The following PDE4B variants were observed in gnomAD, a reference collection of about 807,000 sequenced individuals.
The protein encoded by PDE4B is phosphodiesterase 4B.
PDE4B carries 20 observed loss-of-function variants against 82.2 expected under a neutral mutation model. The observed-to-expected ratio is 0.24, with a 90% CI of 0.17 to 0.35. The LOEUF (loss-of-function observed/expected upper bound fraction) is 0.35. PDE4B is among the 10% of genes least tolerant of loss of function. The pLI is 1.00. For synonymous variants in PDE4B, 320 were observed against 318.9 expected, an observed-to-expected ratio of 1.00 and a Z score of -0.04; for missense variants, 655 against 907.2, an observed-to-expected ratio of 0.72 and a Z score of 3.57.
intron 3 of PDE4B, among the ~76,000 whole-genome samples, chr1:66,134,282 T>C (rs767315356): frequency 6.6e-6 from 1 of 152,210 alleles, no homozygotes; most frequent in Non-Finnish European, 1.5e-5. Context: ...AGCAATTATG[T>C]GGTCATTTAA....
At chr1:66,247,118 G>T (rs1017028384) in intron 3 of PDE4B, among the ~76,000 whole-genome samples, 4 of 152,134 alleles carry the variant, frequency 2.6e-5, no homozygotes, top group Non-Finnish European at 4.4e-5. Flanking sequence ...TTATCACCAA[G>T]TTGTTGTATG....
intron 8 of PDE4B, among the ~76,000 whole-genome samples, chr1:66,342,654 C>T (rs1482505412): frequency 6.6e-6 from 1 of 151,384 alleles, no homozygotes; most frequent in Non-Finnish European, 1.5e-5. Flanking sequence ...TCACTTGAAA[C>T]CAGGAGGTAG....
intron 7 of PDE4B, among the ~76,000 whole-genome samples, chr1:66,296,122 G>A (rs1657496466): frequency 6.6e-6 from 1 of 152,096 alleles, no homozygotes; most frequent in South Asian, 2.1e-4. Context: ...AGCATCCGGG[G>A]CTTATCTTTA....
At position 66,057,365 on chromosome 1, in the gene PDE4B, T is replaced by G. The variant is rs1212642557; in HGVS notation, c.281+138530T>G. On this transcript the variant is annotated intron_variant, in intron 3 of 16. Coordinates refer to ENST00000341517, the MANE Select transcript of PDE4B (RefSeq NM_002600.4). Reference sequence around the variant, plus strand: ...AGGAAATACTAAAAGAGTATTGTACTAAAAGAGTCCTTGGATAAGGGCCTC... The same window carrying G: ...AGGAAATACTAAAAGAGTATTGTACGAAAAGAGTCCTTGGATAAGGGCCTC... 2.0e-5 allele frequency among the ~76,000 whole-genome samples: 3 copies of G among 152,222 alleles called. No individual in the cohort carries two copies. The East Asian group carries it at 5.8e-4, about 29-fold the overall frequency.
chr1:65,994,286 G>A (rs1218289236), intron 3 of PDE4B, among the ~76,000 whole-genome samples: 1 of 152,112 alleles, frequency 6.6e-6, no homozygotes, highest in Non-Finnish European at 1.5e-5. Context: ...GAAATATATA[G>A]CTTGCCTTTG....
chr1:65,963,847 G>T (rs1569833717), intron 3 of PDE4B, among the ~76,000 whole-genome samples: 1 of 152,100 alleles, frequency 6.6e-6, no homozygotes, highest in East Asian at 1.9e-4. Flanking sequence ...AAACTAATTA[G>T]CTGAGCTTGG....
chr1:65,802,741 T>A (rs893335329), intron 1 of PDE4B, among the ~76,000 whole-genome samples: 1 of 152,156 alleles, frequency 6.6e-6, no homozygotes, highest in Non-Finnish European at 1.5e-5. Flanking sequence ...TTTAAAATGG[T>A]TATAAATTTT....
chr1:65,935,413 TG>T (rs1364273998), intron 3 of PDE4B, among the ~76,000 whole-genome samples: 1 of 151,308 alleles, frequency 6.6e-6, no homozygotes, highest in African/African-American at 2.4e-5. Flanking sequence ...TTACCATGAA[TG>T]GAATTAACAG....
chr1:65,994,357 T>C (rs1156759068), intron 3 of PDE4B, among the ~76,000 whole-genome samples: 1 of 152,178 alleles, frequency 6.6e-6, no homozygotes, highest in African/African-American at 2.4e-5. Flanking sequence ...TGCTTATTCT[T>C]GCTTTCTGAC....
chr1:66,048,330 T>C (rs1259468912), intron 3 of PDE4B, among the ~76,000 whole-genome samples: 1 of 151,942 alleles, frequency 6.6e-6, no homozygotes, highest in Admixed American at 6.6e-5. Flanking sequence ...TCAACTCCAC[T>C]GTCCTCCTAC....
At chr1:66,335,717 T>C (rs779775256) in intron 8 of PDE4B, among the ~76,000 whole-genome samples, 1 of 152,188 alleles carries the variant, frequency 6.6e-6, no homozygotes, top group Non-Finnish European at 1.5e-5. Context: ...TACTAGAAGA[T>C]GGAATAAGTT....
chr1:65,975,705 C>T (rs934325243), intron 3 of PDE4B, among the ~76,000 whole-genome samples: 2 of 152,174 alleles, frequency 1.3e-5, no homozygotes, highest in Non-Finnish European at 2.9e-5. Context: ...CCCAGACACT[C>T]CAGCTCCAGC....
At chr1:65,823,177 C>G (rs900833829) in intron 1 of PDE4B, among the ~76,000 whole-genome samples, 1 of 151,940 alleles carries the variant, frequency 6.6e-6, no homozygotes. Context: ...GCGGATGGAT[C>G]GCAAGGTCAG....
chr1:66,272,533 C>CT, intron 7 of PDE4B, among the ~76,000 whole-genome samples: 6 of 152,262 alleles, frequency 3.9e-5, no homozygotes, highest in Admixed American at 3.9e-4. Context: ...ACAACTGTCC[C>CT]TTTTTCTGTC....
intron 8 of PDE4B, among the ~76,000 whole-genome samples, chr1:66,339,742 A>C (rs1446239353): frequency 6.6e-6 from 1 of 152,234 alleles, no homozygotes; most frequent in East Asian, 1.9e-4. Context: ...AGTCTTCAAA[A>C]ATAGAATTCA....
At chr1:66,322,093 C>T (rs189274273) in intron 7 of PDE4B, among the ~76,000 whole-genome samples, 137 of 152,146 alleles carry the variant, frequency 9.0e-4, no homozygotes, top group African/African-American at 3.0e-3. Context: ...ATTTAATAAA[C>T]GGTGCTGGAA....
At chr1:66,135,518 A>G (rs575397947) in intron 3 of PDE4B, among the ~76,000 whole-genome samples, 1 of 152,336 alleles carries the variant, frequency 6.6e-6, no homozygotes. Context: ...CTTGGAGATA[A>G]TGATTGAAAT....
rs961388731 is a variant in PDE4B at position 66,239,616 on chromosome 1, C to T, written c.282-7844C>T. Among the ~76,000 whole-genome samples, 3 of 152,190 alleles carry T rather than the reference C, an allele frequency of 2.0e-5. No homozygotes were observed. In the East Asian group the frequency reaches 5.8e-4, roughly 29 times the overall value. On this transcript the variant is annotated intron_variant, in intron 3 of 16. Transcript: ENST00000341517. The stretch of plus-strand genomic sequence containing the variant: ...TTGTAAGCTTGCTAGAAATAATGCT[C>T]CTATATTTATGAAGAGGGAATGTTT...
In PDE4B at chr1:66,198,719, C is replaced by T. The variant is rs146976374; in HGVS notation, c.282-48741C>T. Among the ~76,000 whole-genome samples, 1,944 of 152,252 alleles carry T rather than the reference C, an allele frequency of 0.013. 92 individuals carry two copies. The East Asian group carries it at 0.15, about 12-fold the overall frequency. ...CGGTGTACTGCACCCATTAACTCGT[C>T]ATTTAGAATTAGGTATATCTCCTAA... On this transcript the variant is annotated intron_variant, in intron 3 of 16. Transcript: ENST00000341517.
Sources: gnomAD v4.1 joint callset for allele counts (sites outside exome capture counted in the v4.1 genomes callset) on GRCh38, gnomAD v4.1.1 for gene constraint, MANE v1.5 for transcripts, NCBI Gene and HGNC (gene_info 2026-07-23, HGNC 2026-07-21) for gene names.